MAGI2: variants seen among roughly 807,000 people sequenced by gnomAD.
MAGI2 encodes membrane associated guanylate kinase, WW and PDZ domain containing 2.
Under a neutral mutation model 133.3 loss-of-function variants are expected in MAGI2, and 35 were observed. The observed-to-expected ratio is 0.26, with a 90% CI of 0.20 to 0.35. MAGI2 has a LOEUF of 0.35. MAGI2 is among the 10% of genes least tolerant of loss of function. The probability of loss-of-function intolerance (pLI) is 1.00; values close to 1 mark genes in which losing one functional copy is unlikely to be tolerated. For synonymous variants in MAGI2, 729 were observed against 710.6 expected (o/e 1.03, Z -0.41); for missense variants, 1,636 against 1,863.4 (o/e 0.88, Z 2.25).
intron 1 of MAGI2, among the ~76,000 whole-genome samples, chr7:79,276,289 A>G (rs1694824002): frequency 6.6e-6 from 1 of 152,168 alleles, no homozygotes; most frequent in Admixed American, 6.5e-5. Context: ...GAGGAGTTCA[A>G]GAATTCAGTA....
chr7:78,406,874 T>C (rs1797428162), intron 6 of MAGI2, among the ~76,000 whole-genome samples: 1 of 152,068 alleles, frequency 6.6e-6, no homozygotes, highest in Admixed American at 6.6e-5. Context: ...GCTTCCTAAA[T>C]TCATGACCAT....
intron 1 of MAGI2, among the ~76,000 whole-genome samples, chr7:79,031,774 T>C (rs2116819574): frequency 6.6e-6 from 1 of 152,310 alleles, no homozygotes; most frequent in South Asian, 2.1e-4. Context: ...ACATTTGTTT[T>C]GTAAAAAAAG....
intron 1 of MAGI2, among the ~76,000 whole-genome samples, chr7:79,027,438 G>A (rs1810008884): frequency 6.6e-6 from 1 of 151,908 alleles, no homozygotes; most frequent in South Asian, 2.1e-4. Flanking sequence ...TACGCTAAGT[G>A]GAATAAGCTA....
chr7:78,687,086 T>C (rs1215834867), intron 2 of MAGI2, among the ~76,000 whole-genome samples: 1 of 152,216 alleles, frequency 6.6e-6, no homozygotes, highest in East Asian at 1.9e-4. Context: ...CTTCAAGGAC[T>C]GACCCACACC....
Position 78,674,389 on chromosome 7 carries a change from T to G in MAGI2, c.419-47150A>C, listed in dbSNP as rs1207265499. On this transcript the variant is annotated intron_variant, in intron 2 of 21. Transcript: ENST00000354212. ...ACAGCAAAAGCAAATACTTATGGCA[T>G]GCCTATTATGCATGAGGTACTAGCT... Among the ~76,000 whole-genome samples, 4 of 152,216 alleles carry G rather than the reference T, an allele frequency of 2.6e-5. No homozygotes were observed. The East Asian group carries it at 7.7e-4, about 29-fold the overall frequency.
chr7:79,337,081 C>A (rs1840489471), intron 1 of MAGI2, among the ~76,000 whole-genome samples: 1 of 151,688 alleles, frequency 6.6e-6, no homozygotes, highest in Non-Finnish European at 1.5e-5. Flanking sequence ...TATATGTATC[C>A]CATAACATCA....
chr7:78,681,860 G>T (rs1815702635), intron 2 of MAGI2, among the ~76,000 whole-genome samples: 1 of 151,988 alleles, frequency 6.6e-6, no homozygotes, highest in Non-Finnish European at 1.5e-5. Context: ...AAAACCTAAG[G>T]CATTAATTTA....
intron 1 of MAGI2, among the ~76,000 whole-genome samples, chr7:79,263,966 A>T (rs1429840247): frequency 6.6e-6 from 1 of 152,202 alleles, no homozygotes; most frequent in Non-Finnish European, 1.5e-5. Context: ...AATCTCAAAC[A>T]AAATTTTACT....
chr7:78,669,405 G>T (rs1342780977), intron 2 of MAGI2, among the ~76,000 whole-genome samples: 1 of 151,996 alleles, frequency 6.6e-6, no homozygotes, highest in African/African-American at 2.4e-5. Flanking sequence ...CCAATAACAG[G>T]CTCTGAAATT....
chr7:78,812,811 G>A (rs952212580), intron 2 of MAGI2, among the ~76,000 whole-genome samples: 1 of 152,134 alleles, frequency 6.6e-6, no homozygotes, highest in South Asian at 2.1e-4. Flanking sequence ...GTTGAAATGG[G>A]ACTGATGAGC....
At chr7:78,638,188 A>T (rs1809884926) in intron 2 of MAGI2, among the ~76,000 whole-genome samples, 1 of 152,214 alleles carries the variant, frequency 6.6e-6, no homozygotes, top group Non-Finnish European at 1.5e-5. Flanking sequence ...TTTGAAGTTG[A>T]TGTATATGCA....
At chr7:79,058,401 T>G (rs1227811595) in intron 1 of MAGI2, among the ~76,000 whole-genome samples, 2 of 151,812 alleles carry the variant, frequency 1.3e-5, no homozygotes, top group Non-Finnish European at 2.9e-5. Flanking sequence ...GTGTAGGTCC[T>G]GAGAAAGTAG....
chr7:79,253,720 A>G (rs567528348), intron 1 of MAGI2, among the ~76,000 whole-genome samples: 3 of 152,224 alleles, frequency 2.0e-5, no homozygotes, highest in Non-Finnish European at 2.9e-5. Flanking sequence ...TGATAGAAGT[A>G]TAAAATGATA....
At chr7:78,031,821 C>A (rs2471577) in intron 21 of MAGI2, among the ~76,000 whole-genome samples, 23,427 of 152,078 alleles carry the variant, frequency 0.15, 2,682 homozygotes, top group East Asian at 0.56. Flanking sequence ...AGAGGATATT[C>A]TTGGGCTCCA....
At chr7:78,662,992 A>T (rs1037744530) in intron 2 of MAGI2, among the ~76,000 whole-genome samples, 2 of 152,178 alleles carry the variant, frequency 1.3e-5, no homozygotes, top group African/African-American at 4.8e-5. Flanking sequence ...CACAGATAAT[A>T]TATAGTAGAC....
chr7:78,119,395 CT>C (rs1415216345), intron 20 of MAGI2, among the ~76,000 whole-genome samples: 3 of 151,696 alleles, frequency 2.0e-5, no homozygotes, highest in African/African-American at 7.3e-5. Flanking sequence ...CCCGTCTCTA[CT>C]AAAAGTACAA....
chr7:78,645,634 A>G (rs1430554104), intron 2 of MAGI2, among the ~76,000 whole-genome samples: 1 of 114,552 alleles, frequency 8.7e-6, no homozygotes, highest in Non-Finnish European at 1.9e-5. Flanking sequence ...TTGCAGATAT[A>G]AGTGTGGTGT....
chr7:78,389,731 G>A (rs1795728531), intron 6 of MAGI2, among the ~76,000 whole-genome samples: 2 of 152,138 alleles, frequency 1.3e-5, no homozygotes, highest in Admixed American at 6.5e-5. Context: ...AAAGTGTGCT[G>A]GTTTGGGGTA....
intron 6 of MAGI2, among the ~76,000 whole-genome samples, chr7:78,406,975 C>A (rs1797439767): frequency 6.6e-6 from 1 of 151,904 alleles, no homozygotes; most frequent in Non-Finnish European, 1.5e-5. Context: ...CATGGACATG[C>A]AGCACAAAAA....
Sources: allele counts gnomAD v4.1 joint callset (sites outside exome capture counted in the v4.1 genomes callset), GRCh38; gene constraint gnomAD v4.1.1; transcripts MANE v1.5; gene names NCBI Gene and HGNC (gene_info 2026-07-23, HGNC 2026-07-21).